The following SYT1 variants were observed in gnomAD, a reference collection of about 807,000 sequenced individuals.
SYT1 encodes the protein synaptotagmin 1.
SYT1 carries 8 observed loss-of-function variants against 44.8 expected under a neutral mutation model. The observed-to-expected ratio is 0.18, with a 90% confidence interval of 0.10 to 0.32. The LOEUF is 0.32. Among genes scored for constraint, SYT1 ranks in the 10% least tolerant of loss-of-function variants. The pLI is 1.00. For missense variants in SYT1, 286 were observed against 509.3 expected (o/e 0.56, Z 4.22); for synonymous variants, 154 against 188.8 (o/e 0.82, Z 1.51).
chr12:79,374,719 T>C (rs1398475251), intron 9 of SYT1, among the ~76,000 whole-genome samples: 1 of 152,188 alleles, frequency 6.6e-6, no homozygotes, highest in Non-Finnish European at 1.5e-5. Flanking sequence ...GACAAAAGTA[T>C]GGAATCACAT....
chr12:78,937,229 C>T (rs1401726773), intron 1 of SYT1, among the ~76,000 whole-genome samples: 3 of 151,852 alleles, frequency 2.0e-5, no homozygotes, highest in Admixed American at 6.6e-5. Context: ...ACTTTTTTTT[C>T]GAGGTCCTGT....
chr12:79,436,970 G>A (rs1487570938), intron 9 of SYT1, among the ~76,000 whole-genome samples: 5 of 152,130 alleles, frequency 3.3e-5, no homozygotes, highest in African/African-American at 9.7e-5. Flanking sequence ...TTCAGACTGA[G>A]GAAATCATTA....
At chr12:79,316,865 A>G (rs1486502274) in intron 8 of SYT1, among the ~76,000 whole-genome samples, 1 of 152,222 alleles carries the variant, frequency 6.6e-6, no homozygotes, top group Non-Finnish European at 1.5e-5. Context: ...CATCACAGTA[A>G]TTAGCTCTTA....
chr12:79,013,417 C>T (rs982291664), intron 2 of SYT1, among the ~76,000 whole-genome samples: 1 of 152,068 alleles, frequency 6.6e-6, no homozygotes, highest in Admixed American at 6.5e-5. Context: ...TAATGGGCAC[C>T]AGGAACTCCA....
chr12:79,099,365 T>C (rs1878319336), intron 3 of SYT1, among the ~76,000 whole-genome samples: 1 of 152,130 alleles, frequency 6.6e-6, no homozygotes, highest in Non-Finnish European at 1.5e-5. Context: ...CACTGAGAGT[T>C]TTAAAACAAT....
intron 1 of SYT1, among the ~76,000 whole-genome samples, chr12:78,896,354 G>T (rs1875355600): frequency 6.6e-6 from 1 of 151,666 alleles, no homozygotes; most frequent in African/African-American, 2.4e-5. Flanking sequence ...ATATGATAAA[G>T]AAATAACTGG....
At chr12:79,418,850 G>T (rs1402258176) in intron 9 of SYT1, among the ~76,000 whole-genome samples, 1 of 152,088 alleles carries the variant, frequency 6.6e-6, no homozygotes, top group Non-Finnish European at 1.5e-5. Context: ...TTTCAATGCT[G>T]TATGCACGTT....
At chr12:79,336,669 C>T (rs1445741662) in intron 8 of SYT1, among the ~76,000 whole-genome samples, 1 of 152,018 alleles carries the variant, frequency 6.6e-6, no homozygotes, top group Non-Finnish European at 1.5e-5. Flanking sequence ...AGTCTTTTAC[C>T]CAGGCTGGAG....
At chr12:79,211,608 A>T (rs1435906433) in intron 3 of SYT1, among the ~76,000 whole-genome samples, 2 of 106,830 alleles carry the variant, frequency 1.9e-5, no homozygotes, top group Non-Finnish European at 3.6e-5. Context: ...ACCCCACAAC[A>T]GTCCCCAGAG....
At chr12:78,973,946 T>A (rs375707339) in intron 1 of SYT1, among the ~76,000 whole-genome samples, 776 of 11,264 alleles carry the variant, frequency 0.069, 53 homozygotes, top group African/African-American at 0.19. Flanking sequence ...AAAATATATA[T>A]ATATATATAT....
rs547054364 is a variant in SYT1, at chr12:78,937,012, C to CCTGGTTTCTGGT, written c.-216-40787_-216-40786insCTGGTTTCTGGT. On this transcript the variant is annotated intron_variant, in intron 1 of 10. Coordinates refer to ENST00000261205, the MANE Select transcript of SYT1 (RefSeq NM_005639.3). ...ATGGCTCCCAGGTCCTTGAGAAAGA[C>CCTGGTTTCTGGT]ATTTCTGGTTATAAAACTGACAAGA... Among the ~76,000 whole-genome samples, 629 of 152,248 alleles carry CCTGGTTTCTGGT rather than the reference C, an allele frequency of 4.1e-3. 3 individuals are homozygous for CCTGGTTTCTGGT. Among genetic ancestry groups the CCTGGTTTCTGGT allele is most frequent in the Non-Finnish European group, 4.6e-3 (315 of 68,012 alleles).
At chr12:79,011,820 T>G (rs2137574330) in intron 2 of SYT1, among the ~76,000 whole-genome samples, 1 of 151,914 alleles carries the variant, frequency 6.6e-6, no homozygotes, top group South Asian at 2.1e-4. Context: ...TAAACATAGG[T>G]TTTCTTAAGA....
intron 9 of SYT1, among the ~76,000 whole-genome samples, chr12:79,431,143 A>G (rs1181974677): frequency 6.6e-6 from 1 of 152,242 alleles, no homozygotes; most frequent in African/African-American, 2.4e-5. Flanking sequence ...GGAAAACAAG[A>G]CAGTCCTAGC....
At chr12:79,394,336 T>G (rs1163256941) in intron 9 of SYT1, among the ~76,000 whole-genome samples, 1 of 152,124 alleles carries the variant, frequency 6.6e-6, no homozygotes, top group Non-Finnish European at 1.5e-5. Flanking sequence ...TTGCTCTTAC[T>G]GGGAAGAAAA....
chr12:78,984,483 A>AT (rs1265109219), intron 2 of SYT1, among the ~76,000 whole-genome samples: 1 of 151,924 alleles, frequency 6.6e-6, no homozygotes, highest in African/African-American at 2.4e-5. Flanking sequence ...GTAAATTGTT[A>AT]TTTTTTAGTT....
rs559836698 is a variant in SYT1, at chr12:79,354,381, G to A, written c.928+762G>A. 2.0e-5 allele frequency among the ~76,000 whole-genome samples: 3 copies of A among 152,280 alleles called. No individual in the cohort carries two copies. In the East Asian group the frequency reaches 5.8e-4, roughly 29 times the overall value. ...ATATGCCACAAGGTCATCATAAATT[G>A]ACTGCAGTTGTCATTGTTTGTGGCT... On this transcript the variant is annotated intron_variant, in intron 9 of 10. Coordinates refer to ENST00000261205, the MANE Select transcript of SYT1 (RefSeq NM_005639.3).
At chr12:79,191,809 G>T (rs1592839499) in intron 3 of SYT1, among the ~76,000 whole-genome samples, 1 of 151,970 alleles carries the variant, frequency 6.6e-6, no homozygotes, top group East Asian at 1.9e-4. Context: ...TGCTGGTCTA[G>T]TATGGAATAT....
chr12:79,034,571 A>T (rs758462506), intron 2 of SYT1, among the ~76,000 whole-genome samples: 3 of 151,722 alleles, frequency 2.0e-5, no homozygotes, highest in Non-Finnish European at 4.4e-5. Context: ...GTAAATAGAG[A>T]TAATTAACGC....
chr12:79,402,827 C>A (rs565108008), intron 9 of SYT1, among the ~76,000 whole-genome samples: 2 of 152,344 alleles, frequency 1.3e-5, no homozygotes, highest in East Asian at 3.9e-4. Flanking sequence ...CCATGTGACT[C>A]CTCAGCATAT....
Sources: allele counts gnomAD v4.1 joint callset (sites outside exome capture counted in the v4.1 genomes callset), GRCh38; gene constraint gnomAD v4.1.1; transcripts MANE v1.5; gene names NCBI Gene and HGNC (gene_info 2026-07-23, HGNC 2026-07-21).